Variants in PDE7B observed in about 807,000 individuals in gnomAD.
The protein encoded by PDE7B is 3',5'-cyclic-AMP phosphodiesterase 7B.
A neutral mutation model predicts 56.2 loss-of-function variants in PDE7B; 29 were observed. That is an observed-to-expected ratio of 0.52 (90% CI 0.38 to 0.70). The LOEUF is 0.70. Ranked by LOEUF, PDE7B falls within the 30% of genes least tolerant of loss-of-function variation. The probability of loss-of-function intolerance (pLI) is 0.00; values close to 1 mark genes in which losing one functional copy is unlikely to be tolerated. For missense variants in PDE7B, 490 were observed against 565.0 expected (o/e 0.87, Z 1.35); for synonymous variants, 197 against 196.9 (o/e 1.00, Z 0.00).
intron 2 of PDE7B, chr6:136,070,077 T>C (rs2128213785): frequency 6.6e-6 from 1 of 152,018 alleles, no homozygotes; most frequent in South Asian, 2.1e-4. Flanking sequence ...ACTGATCAGT[T>C]GAATAGCTCA....
intron 2 of PDE7B, among the ~76,000 whole-genome samples, chr6:136,033,459 G>A (rs1367861281): frequency 7.2e-5 from 11 of 152,172 alleles, no homozygotes; most frequent in Non-Finnish European, 1.5e-4. Flanking sequence ...CAGGTCCCCA[G>A]TACCTGAAAA....
intron 2 of PDE7B, among the ~76,000 whole-genome samples, chr6:136,097,649 C>T (rs548789091): frequency 6.6e-6 from 1 of 152,268 alleles, no homozygotes; most frequent in East Asian, 1.9e-4. Flanking sequence ...TCATGACTTT[C>T]TAATTCTCTC....
At chr6:135,907,635 C>A (rs1350328503) in intron 1 of PDE7B, among the ~76,000 whole-genome samples, 1 of 151,966 alleles carries the variant, frequency 6.6e-6, no homozygotes, top group Non-Finnish European at 1.5e-5. Context: ...TTAACTGTTT[C>A]TATATGCCTA....
At chr6:136,078,757 A>T (rs1215090474) in intron 2 of PDE7B, among the ~76,000 whole-genome samples, 1 of 152,182 alleles carries the variant, frequency 6.6e-6, no homozygotes, top group African/African-American at 2.4e-5. Context: ...TAGAAAGTAC[A>T]TATACATTTT....
At chr6:135,978,353 A>G (rs1453856468) in intron 2 of PDE7B, among the ~76,000 whole-genome samples, 1 of 151,772 alleles carries the variant, frequency 6.6e-6, no homozygotes, top group Non-Finnish European at 1.5e-5. Flanking sequence ...GCAGGACTGG[A>G]AATTGCTGTG....
At chr6:136,154,634 C>T (rs1778577062) in intron 7 of PDE7B, among the ~76,000 whole-genome samples, 1 of 152,158 alleles carries the variant, frequency 6.6e-6, no homozygotes, top group African/African-American at 2.4e-5. Flanking sequence ...ACTGGATATC[C>T]CGATTCAGGG....
At chr6:135,926,297 C>T (rs1774187998) in intron 1 of PDE7B, among the ~76,000 whole-genome samples, 1 of 152,122 alleles carries the variant, frequency 6.6e-6, no homozygotes, top group Non-Finnish European at 1.5e-5. Context: ...CCGTGTTAGC[C>T]AGGATGGTCT....
intron 2 of PDE7B, among the ~76,000 whole-genome samples, chr6:136,002,553 A>G (rs1463357757): frequency 6.6e-6 from 1 of 152,188 alleles, no homozygotes; most frequent in Non-Finnish European, 1.5e-5. Context: ...TTGCAATCCT[A>G]GTCTCTGATA....
chr6:135,930,738 A>C (rs1427374103), intron 1 of PDE7B, among the ~76,000 whole-genome samples: 1 of 152,140 alleles, frequency 6.6e-6, no homozygotes, highest in Non-Finnish European at 1.5e-5. Context: ...AATAATCAAC[A>C]ATGCTATAAA....
chr6:135,923,925 GAAAT>G (rs1307991600), intron 1 of PDE7B, among the ~76,000 whole-genome samples: 1 of 152,096 alleles, frequency 6.6e-6, no homozygotes, highest in Non-Finnish European at 1.5e-5. Context: ...CACAGTAAAA[GAAAT>G]TCAGAGAAAT....
At chr6:135,966,818 C>T (rs919883834) in intron 2 of PDE7B, among the ~76,000 whole-genome samples, 3 of 152,154 alleles carry the variant, frequency 2.0e-5, no homozygotes, top group African/African-American at 4.8e-5. Flanking sequence ...TAAGGTAACT[C>T]GGTGAAAAGG....
chr6:135,859,073 A>C (rs1775094373), intron 1 of PDE7B, among the ~76,000 whole-genome samples: 1 of 151,520 alleles, frequency 6.6e-6, no homozygotes, highest in Non-Finnish European at 1.5e-5. Context: ...AAAAAAAAAA[A>C]GACCTTCATT....
At chr6:135,871,374 A>G (rs1775376284) in intron 1 of PDE7B, among the ~76,000 whole-genome samples, 1 of 152,232 alleles carries the variant, frequency 6.6e-6, no homozygotes, top group Non-Finnish European at 1.5e-5. Flanking sequence ...AAATCAAAGT[A>G]CAAAGACCAC....
intron 1 of PDE7B, among the ~76,000 whole-genome samples, chr6:135,920,438 A>G (rs554198268): frequency 6.6e-6 from 1 of 152,252 alleles, no homozygotes; most frequent in Non-Finnish European, 1.5e-5. Flanking sequence ...AGTTTTCAAC[A>G]TCTAGGTATA....
chr6:135,910,947 C>T (rs1247089125), intron 1 of PDE7B, among the ~76,000 whole-genome samples: 1 of 152,134 alleles, frequency 6.6e-6, no homozygotes. Flanking sequence ...AACCTACATT[C>T]TGGTCTCAGA....
intron 2 of PDE7B, among the ~76,000 whole-genome samples, chr6:136,024,105 A>G (rs985550697): frequency 2.0e-5 from 3 of 152,210 alleles, no homozygotes; most frequent in African/African-American, 7.2e-5. Flanking sequence ...TAATTCTGTT[A>G]TAATGGGTTT....
At chr6:136,178,961 T>C (rs765319854) in intron 9 of PDE7B, 36 bp from the exon 10 acceptor site, 1 of 1,611,652 alleles carries the variant, frequency 6.2e-7, no homozygotes, top group South Asian at 1.1e-5. Flanking sequence ...GGATTTGCTT[T>C]GTGTGTGTTT....
chr6:136,184,599 A>G (rs1779116699), intron 11 of PDE7B, among the ~76,000 whole-genome samples: 1 of 152,204 alleles, frequency 6.6e-6, no homozygotes, highest in Non-Finnish European at 1.5e-5. Flanking sequence ...GAAACCACTG[A>G]GGCCGGGATG....
At chr6:135,867,346 A>G (rs1475343149) in intron 1 of PDE7B, among the ~76,000 whole-genome samples, 1 of 152,202 alleles carries the variant, frequency 6.6e-6, no homozygotes, top group Non-Finnish European at 1.5e-5. Context: ...ATGTTCAACA[A>G]TTTTAATAAT....
Sources: gnomAD v4.1 joint callset for allele counts (sites outside exome capture counted in the v4.1 genomes callset) on GRCh38, gnomAD v4.1.1 for gene constraint, MANE v1.5 for transcripts, NCBI Gene and HGNC (gene_info 2026-07-23, HGNC 2026-07-21) for gene names.